Variants in CLVS1 observed in about 807,000 individuals in gnomAD.
CLVS1 encodes the protein clavesin-1.
Under a neutral mutation model 33.1 loss-of-function variants are expected in CLVS1, and 10 were observed. The ratio of observed to expected loss-of-function variants is 0.30; its 90% CI spans 0.19 to 0.51. The LOEUF is 0.51. Among genes scored for constraint, CLVS1 ranks in the 20% least tolerant of loss-of-function variants. CLVS1 has a pLI of 0.97. For synonymous variants in CLVS1, 163 were observed against 166.1 expected (o/e 0.98, Z 0.14); for missense variants, 343 against 433.4 (o/e 0.79, Z 1.85).
At chr8:61,198,823 G>T (rs1807669755) in intron 2 of CLVS1, among the ~76,000 whole-genome samples, 3 of 152,094 alleles carry the variant, frequency 2.0e-5, no homozygotes, top group Admixed American at 6.5e-5. Context: ...CCTGTATTTG[G>T]TTTTCGATTC....
intron 3 of CLVS1, among the ~76,000 whole-genome samples, chr8:61,453,016 G>A (rs1275434378): frequency 1.3e-5 from 2 of 152,034 alleles, no homozygotes; most frequent in Admixed American, 6.5e-5. Context: ...TATACCCGCA[G>A]GGAGCAGCTC....
intron 5 of CLVS1, among the ~76,000 whole-genome samples, chr8:61,487,594 T>A (rs1227790577): frequency 2.6e-5 from 4 of 152,210 alleles, no homozygotes; most frequent in Non-Finnish European, 5.9e-5. Flanking sequence ...TATGTTCTCA[T>A]TCGTGGCAGC....
At chr8:61,103,054 A>AT (rs35599479) in intron 1 of CLVS1, among the ~76,000 whole-genome samples, 28,868 of 152,026 alleles carry the variant, frequency 0.19, 2,855 homozygotes, top group Admixed American at 0.3. Context: ...AGAATATCAA[A>AT]TTTTTTTTAT....
chr8:61,277,546 A>G (rs902144675), intron 2 of CLVS1, among the ~76,000 whole-genome samples: 1 of 152,104 alleles, frequency 6.6e-6, no homozygotes, highest in Non-Finnish European at 1.5e-5. Flanking sequence ...TTACTCTATT[A>G]CTACTTTCAG....
intron 2 of CLVS1, among the ~76,000 whole-genome samples, chr8:61,216,186 A>G (rs1301684147): frequency 1.3e-5 from 2 of 152,188 alleles, no homozygotes; most frequent in African/African-American, 4.8e-5. Flanking sequence ...CTCTCACAGG[A>G]TAATAGATGA....
the CLVS1 span, among the ~76,000 whole-genome samples, chr8:60,973,994 A>G: frequency 2.6e-5 from 4 of 151,978 alleles, no homozygotes; most frequent in African/African-American, 9.6e-5. Flanking sequence ...TTGGAAGGAG[A>G]TCTATATTTA....
intron 2 of CLVS1, among the ~76,000 whole-genome samples, chr8:61,155,289 T>G (rs547903897): frequency 3.4e-4 from 52 of 152,182 alleles, no homozygotes; most frequent in Non-Finnish European, 6.2e-4. Flanking sequence ...GTTTCCCCAA[T>G]GCAGGATTTT....
intron 5 of CLVS1, among the ~76,000 whole-genome samples, chr8:61,490,540 T>G (rs1169800701): frequency 6.7e-6 from 1 of 149,258 alleles, no homozygotes; most frequent in Admixed American, 6.7e-5. Flanking sequence ...TGGTAGCGCA[T>G]GCCTGTAGTC....
chr8:61,291,642 A>C (rs957689222), intron 1 of CLVS1, among the ~76,000 whole-genome samples: 1 of 151,994 alleles, frequency 6.6e-6, no homozygotes, highest in Non-Finnish European at 1.5e-5. Context: ...AACCCATGAG[A>C]TCTTTCACTC....
Position 61,299,801 on chromosome 8 carries a change from C to T in CLVS1, c.-27C>T, listed in dbSNP as rs765478333. Reference sequence around the variant, plus strand: ...TGGTAGTAAAACACTGTTGAATGGGCCACAGTTTCAGCAGACCATCAGGTG... The same window carrying T: ...TGGTAGTAAAACACTGTTGAATGGGTCACAGTTTCAGCAGACCATCAGGTG... On this transcript the variant is annotated 5_prime_UTR_variant, in exon 2 of 6. Transcript: ENST00000325897. 6.5e-7 allele frequency: 1 copy of T among 1,549,672 alleles called. No individual in the cohort carries two copies. Among genetic ancestry groups the T allele is most frequent in the Non-Finnish European group, 8.8e-7 (1 of 1,134,976 alleles).
intron 3 of CLVS1, among the ~76,000 whole-genome samples, chr8:61,428,478 C>T (rs144766363): frequency 6.6e-6 from 1 of 152,240 alleles, no homozygotes; most frequent in East Asian, 1.9e-4. Context: ...TTACAACCTC[C>T]AGAATAAGAA....
intron 2 of CLVS1, among the ~76,000 whole-genome samples, chr8:61,304,426 A>G (rs541409477): frequency 1.1e-4 from 16 of 152,308 alleles, no homozygotes; most frequent in Non-Finnish European, 2.1e-4. Context: ...TGACTTCTTC[A>G]TTTTTTGAGG....
At chr8:61,110,478 A>G (rs1003688958) in intron 1 of CLVS1, among the ~76,000 whole-genome samples, 7 of 152,166 alleles carry the variant, frequency 4.6e-5, no homozygotes, top group Admixed American at 4.6e-4. Flanking sequence ...CCTATGATTA[A>G]GACATTGTGA....
chr8:61,050,208 T>C, the CLVS1 span, among the ~76,000 whole-genome samples: 5 of 152,228 alleles, frequency 3.3e-5, no homozygotes, highest in African/African-American at 1.2e-4. Flanking sequence ...TACCTCCTTG[T>C]ATGTTTTTAT....
intron 2 of CLVS1, among the ~76,000 whole-genome samples, chr8:61,165,290 C>T (rs1806837905): frequency 6.6e-6 from 1 of 152,138 alleles, no homozygotes; most frequent in East Asian, 1.9e-4. Flanking sequence ...CAGCTCGAGC[C>T]CTAACAAACA....
chr8:61,042,791 C>T, the CLVS1 span, among the ~76,000 whole-genome samples: 1 of 152,214 alleles, frequency 6.6e-6, no homozygotes, highest in Non-Finnish European at 1.5e-5. Context: ...GGGAAGGTCC[C>T]AGTGGAAACT....
At chr8:61,451,834 G>GAC (rs1162683039) in intron 3 of CLVS1, among the ~76,000 whole-genome samples, 1 of 152,056 alleles carries the variant, frequency 6.6e-6, no homozygotes, top group Non-Finnish European at 1.5e-5. Flanking sequence ...GAGAGAGAGA[G>GAC]AGAGAGAGAG....
At chr8:61,008,654 G>A in the CLVS1 span, among the ~76,000 whole-genome samples, 1 of 151,986 alleles carries the variant, frequency 6.6e-6, no homozygotes, top group Non-Finnish European at 1.5e-5. Context: ...TTAAGAGGAG[G>A]AGAGTAAACA....
At position 61,501,093 on chromosome 8, in the gene CLVS1, T is replaced by TTAAAC. The variant is rs1217371361; in HGVS notation, c.*1555_*1559dup. The stretch of plus-strand genomic sequence containing the variant: ...TCAAACAACTGTATCACAATATAAA[T>TTAAAC]TAAACTAATTCATTTTTGTGTAGAC... On this transcript the variant is annotated 3_prime_UTR_variant, in exon 6 of 6. Coordinates refer to ENST00000325897, the MANE Select transcript of CLVS1 (RefSeq NM_173519.3). 1 of 152,134 alleles carries TTAAAC rather than the reference T, an allele frequency of 6.6e-6. No individual in the cohort carries two copies. The highest frequency in any genetic ancestry group is 1.9e-4 in the East Asian group (1 of 5,194). The allele number at this position is 152,134 out of a possible 1,614,324, so 9.4% of individuals were successfully genotyped here. A position where few individuals can be genotyped will look rare whatever the true frequency, so the allele number is the denominator to read the frequency against.
Sources: allele counts gnomAD v4.1 joint callset (sites outside exome capture counted in the v4.1 genomes callset), GRCh38; gene constraint gnomAD v4.1.1; transcripts MANE v1.5; gene names NCBI Gene and HGNC (gene_info 2026-07-23, HGNC 2026-07-21).